Variants in HDAC9 observed in about 807,000 individuals in gnomAD.
The protein encoded by HDAC9 is MEF-2 interacting transcription repressor (MITR) protein.
Under a neutral mutation model 139.4 loss-of-function variants are expected in HDAC9, and 41 were observed. The observed-to-expected ratio is 0.29, with a 90% CI of 0.23 to 0.38. HDAC9 has a LOEUF of 0.38. HDAC9 is among the 10% of genes least tolerant of loss of function. The probability of loss-of-function intolerance (pLI) is 1.00; values close to 1 mark genes in which losing one functional copy is unlikely to be tolerated. For missense variants in HDAC9, 1,147 were observed against 1,297.0 expected (o/e 0.88, Z 1.78); for synonymous variants, 517 against 476.2 (o/e 1.09, Z -1.12).
chr7:18,654,318 C>G (rs1790351088), intron 11 of HDAC9, among the ~76,000 whole-genome samples: 1 of 152,118 alleles, frequency 6.6e-6, no homozygotes, highest in Non-Finnish European at 1.5e-5. Context: ...ACCTCTTCCT[C>G]CCCTTGTTTT....
chr7:18,495,886 CTT>C lies in HDAC9; in HGVS notation c.-178_-177del. 1 of 1,149,624 alleles carries C rather than the reference CTT, an allele frequency of 8.7e-7. No homozygotes were observed. The highest frequency in any genetic ancestry group is 1.1e-6 in the Non-Finnish European group (1 of 936,450). 71.2% of individuals were successfully genotyped at this position (1,149,624 alleles called of 1,614,324 possible). Reference sequence around the variant, plus strand: ...TTGGTTTCTTTTTCTCGTGGGTAGACTTAATAATTTTCTACGTATTCTGACAA... The same window carrying C: ...TTGGTTTCTTTTTCTCGTGGGTAGACAATAATTTTCTACGTATTCTGACAA... On this transcript the variant is annotated 5_prime_UTR_variant, in exon 1 of 26. Transcript: ENST00000686413.
At chr7:18,722,364 A>G (rs558718524) in intron 12 of HDAC9, among the ~76,000 whole-genome samples, 128 of 152,338 alleles carry the variant, frequency 8.4e-4, no homozygotes, top group African/African-American at 2.9e-3. Flanking sequence ...ATGGTGCTCA[A>G]TAAGTAAAAT....
At chr7:18,344,534 C>T (rs17347096) in intron 1 of HDAC9, among the ~76,000 whole-genome samples, 54,205 of 151,770 alleles carry the variant, frequency 0.36, 11,299 homozygotes, top group Non-Finnish European at 0.46. Context: ...AGGTAGTATT[C>T]GTACTTAAAT....
chr7:18,533,672 T>C lies in HDAC9; in HGVS notation c.22+37348T>C, dbSNP rs149719177. Among the ~76,000 whole-genome samples, 214 of 152,304 alleles carry C rather than the reference T, an allele frequency of 1.4e-3. 1 individual carries two copies. The highest frequency in any genetic ancestry group is 5.0e-3 in the African/African-American group (208 of 41,594). On this transcript the variant is annotated intron_variant, in intron 2 of 25. Coordinates refer to ENST00000686413, the MANE Select transcript of HDAC9 (RefSeq NM_178425.4). ...CTTATTCATTTTCTCGGTTATTCTA[T>C]GGCCTCTTTCACCTTGGAGGCTTAT...
At chr7:18,860,148 GA>G (rs1197185592) in intron 21 of HDAC9, among the ~76,000 whole-genome samples, 1 of 151,634 alleles carries the variant, frequency 6.6e-6, no homozygotes. Flanking sequence ...TTTGGATAAA[GA>G]AAGTAATAAC....
intron 17 of HDAC9, among the ~76,000 whole-genome samples, chr7:18,824,563 T>A (rs1045799584): frequency 3.3e-5 from 5 of 152,156 alleles, no homozygotes; most frequent in African/African-American, 1.2e-4. Context: ...ATTGAAATCA[T>A]GAAAGTGATG....
At chr7:18,631,885 A>G (rs146617122) in intron 7 of HDAC9, among the ~76,000 whole-genome samples, 2,465 of 152,130 alleles carry the variant, frequency 0.016, 36 homozygotes, top group Non-Finnish European at 0.023. Flanking sequence ...GATCCCATCC[A>G]GTGTCATGTC....
At chr7:18,747,816 C>A (rs1788114063) in intron 13 of HDAC9, among the ~76,000 whole-genome samples, 1 of 152,164 alleles carries the variant, frequency 6.6e-6, no homozygotes, top group Admixed American at 6.5e-5. Flanking sequence ...CATTCTTCTG[C>A]ATTATTTGAG....
In HDAC9 at chr7:18,771,394, T is replaced by C. The variant is rs571434785; in HGVS notation, c.2214+4239T>C. Among the ~76,000 whole-genome samples, 3 of 152,226 alleles carry C rather than the reference T, an allele frequency of 2.0e-5. 1 individual carries two copies. The highest frequency in any genetic ancestry group is 4.8e-5 in the African/African-American group (2 of 41,566). On this transcript the variant is annotated intron_variant, in intron 16 of 25. Transcript: ENST00000686413. ...AATTTAAGGCCCATTTCAATTGCTC[T>C]GAGGTTTTCTGCAAACGTTTCAGTT...
rs181320716 is a variant in HDAC9, at chr7:18,995,563, C to T, written c.3171-460C>T. On this transcript the variant is annotated intron_variant, in intron 25 of 25. Transcript: ENST00000686413. The stretch of plus-strand genomic sequence containing the variant: ...TTCAGAATTTGATTTGAAATGCCTC[C>T]GGCAGGCAGCCAATCCAGTTATGAA... 1.7e-3 allele frequency among the ~76,000 whole-genome samples: 254 copies of T among 152,314 alleles called. 2 individuals carry two copies. The highest frequency in any genetic ancestry group is 3.1e-3 in the South Asian group (15 of 4,828).
intron 2 of HDAC9, among the ~76,000 whole-genome samples, chr7:18,511,881 C>T (rs1206281381): frequency 3.9e-5 from 6 of 152,004 alleles, no homozygotes; most frequent in African/African-American, 1.5e-4. Flanking sequence ...TTTCTGACTA[C>T]TGTTGGATTC....
intron 23 of HDAC9, among the ~76,000 whole-genome samples, chr7:18,951,426 G>T (rs560730607): frequency 6.6e-6 from 1 of 151,892 alleles, no homozygotes; most frequent in Admixed American, 6.6e-5. Flanking sequence ...AGCTTTAAGT[G>T]TCAAGAGGTT....
At chr7:18,409,923 A>G (rs1319845524) in intron 1 of HDAC9, among the ~76,000 whole-genome samples, 2 of 152,224 alleles carry the variant, frequency 1.3e-5, no homozygotes, top group Admixed American at 6.5e-5. Context: ...AGAAATAGTG[A>G]TATGAATTAG....
chr7:18,782,601 T>G (rs1178115484), intron 16 of HDAC9, among the ~76,000 whole-genome samples: 1 of 152,046 alleles, frequency 6.6e-6, no homozygotes, highest in Non-Finnish European at 1.5e-5. Flanking sequence ...ACATGTAGCT[T>G]TCTGATTGGA....
At chr7:18,850,082 A>T (rs948239896) in intron 21 of HDAC9, among the ~76,000 whole-genome samples, 3 of 97,434 alleles carry the variant, frequency 3.1e-5, no homozygotes, top group African/African-American at 1.3e-4. Context: ...AAGCCTGAGT[A>T]AAAAAAAAAA....
At chr7:18,496,107 C>A in intron 1 of HDAC9, 84 bp downstream of exon 1, 2 of 1,400,058 alleles carry the variant, frequency 1.4e-6, no homozygotes, top group Non-Finnish European at 1.9e-6. Context: ...CGAAGTTGAT[C>A]CTCTGCTGCT....
chr7:18,995,945 G>C, intron 25 of HDAC9, 78 bp from the exon 26 acceptor site: 1 of 1,054,838 alleles, frequency 9.5e-7, no homozygotes, highest in Admixed American at 2.0e-5. Flanking sequence ...TGAAAAATCA[G>C]CTTTGATTAT....
intron 1 of HDAC9, among the ~76,000 whole-genome samples, chr7:18,350,783 A>G (rs781207773): frequency 6.6e-6 from 1 of 152,292 alleles, no homozygotes; most frequent in East Asian, 1.9e-4. Context: ...ATATAAGCTT[A>G]TGTCATAGCT....
rs568001129 is a variant in HDAC9 at position 18,603,985 on chromosome 7, A to G, written c.664+9956A>G. 1.9e-3 allele frequency among the ~76,000 whole-genome samples: 283 copies of G among 152,200 alleles called. 3 individuals carry two copies. Among genetic ancestry groups the G allele is most frequent in the Non-Finnish European group, 4.7e-4 (32 of 67,982 alleles). On this transcript the variant is annotated intron_variant, in intron 6 of 25. Coordinates refer to ENST00000686413, the MANE Select transcript of HDAC9 (RefSeq NM_178425.4). Reference sequence around the variant, plus strand: ...GCTTATGACAGGACATCTGATCTAAATCTTATCCTTGTTGCTCTATAGATA... The same window carrying G: ...GCTTATGACAGGACATCTGATCTAAGTCTTATCCTTGTTGCTCTATAGATA...
Sources: allele counts gnomAD v4.1 joint callset (sites outside exome capture counted in the v4.1 genomes callset), GRCh38; gene constraint gnomAD v4.1.1; transcripts MANE v1.5; gene names NCBI Gene and HGNC (gene_info 2026-07-23, HGNC 2026-07-21).